The following ASH2L variants were observed in gnomAD, a reference collection of about 807,000 sequenced individuals.
ASH2L encodes set1/Ash2 histone methyltransferase complex subunit ASH2.
In ASH2L, 30 loss-of-function variants were observed where a neutral mutation model predicts 81.1. The observed-to-expected ratio is 0.37, with a 90% CI of 0.28 to 0.50. ASH2L has a LOEUF of 0.50. Among genes scored for constraint, ASH2L ranks in the 20% least tolerant of loss-of-function variants. ASH2L has a pLI of 0.95. For missense variants in ASH2L, 559 were observed against 792.1 expected (o/e 0.71, Z 3.53); for synonymous variants, 273 against 279.9 (o/e 0.98, Z 0.24).
chr8:38,130,449 T>G (rs1802013038), intron 12 of ASH2L, among the ~76,000 whole-genome samples: 1 of 151,848 alleles, frequency 6.6e-6, no homozygotes, highest in Non-Finnish European at 1.5e-5. Context: ...TGAAGTCTGA[T>G]TTATCAAATT....
At chr8:38,117,034 A>G (rs1214718741) in intron 8 of ASH2L, among the ~76,000 whole-genome samples, 1 of 152,206 alleles carries the variant, frequency 6.6e-6, no homozygotes, top group Non-Finnish European at 1.5e-5. Context: ...AGAAAGATTC[A>G]TCTCCTCTCC....
At chr8:38,131,356 A>T (rs760494871) in intron 12 of ASH2L, among the ~76,000 whole-genome samples, 66 of 142,350 alleles carry the variant, frequency 4.6e-4, no homozygotes, top group Non-Finnish European at 7.1e-4. Flanking sequence ...TCCTTTAATT[A>T]AAAAAAAAAA....
chr8:38,121,004 C>G lies in ASH2L; in HGVS notation c.1020C>G (p.Gly340=), dbSNP rs1490652785. 6.2e-7 allele frequency: 1 copy of G among 1,613,772 alleles called. No individual in the cohort carries two copies. Among genetic ancestry groups the G allele is most frequent in the Non-Finnish European group, 8.5e-7 (1 of 1,179,976 alleles). ...YPLEHPFNKD[G]YRYILAEPDP... Reference sequence around the variant, plus strand: ...TGGAACACCCGTTTAACAAAGATGGCTATCGGTATATTCTAGCTGAGCCTG... The same window carrying G: ...TGGAACACCCGTTTAACAAAGATGGGTATCGGTATATTCTAGCTGAGCCTG... The change falls in exon 10 of 16, where the codon GGC becomes GGG. Residue 340 remains glycine (G), a synonymous_variant. Transcript: ENST00000343823.
chr8:38,136,715 C>A (rs1197835773), intron 14 of ASH2L, among the ~76,000 whole-genome samples: 1 of 149,596 alleles, frequency 6.7e-6, no homozygotes, highest in African/African-American at 2.5e-5. Flanking sequence ...GCGGAGGTTG[C>A]AATGAGCTGA....
At chr8:38,127,395 G>C (rs754993652) in intron 10 of ASH2L, among the ~76,000 whole-genome samples, 42 of 151,696 alleles carry the variant, frequency 2.8e-4, no homozygotes, top group Non-Finnish European at 2.8e-4. Flanking sequence ...CATCACCATT[G>C]GTTTGTTATA....
At chr8:38,135,975 G>A (rs188964762) in intron 14 of ASH2L, among the ~76,000 whole-genome samples, 121 of 152,144 alleles carry the variant, frequency 8.0e-4, no homozygotes, top group African/African-American at 2.6e-3. Flanking sequence ...GTTTGTGTGC[G>A]CCATACTTTT....
intron 10 of ASH2L, among the ~76,000 whole-genome samples, chr8:38,125,029 T>C (rs1325573368): frequency 1.3e-5 from 2 of 152,092 alleles, no homozygotes; most frequent in African/African-American, 4.8e-5. Flanking sequence ...CAGAAACTAA[T>C]AGAGTGAAAA....
Position 38,105,670 on chromosome 8 carries a change from C to G in ASH2L, c.120C>G (p.Ala40=), listed in dbSNP as rs1282182502. Residue 40 remains alanine (A), a synonymous_variant, in exon 1 of 16, where the codon GCC becomes GCG. Transcript: ENST00000343823. The part of the protein sequence containing the change: ...GEMKPVAAGA[A]APPGEGISAA... ...TGAAGCCGGTGGCAGCGGGAGCAGC[C>G]GCTCCTCCTGGAGAGGGGATCTCTG... 1.3e-6 allele frequency: 2 copies of G among 1,590,188 alleles called. No individual in the cohort carries two copies. The highest frequency in any genetic ancestry group is 4.5e-5 in the East Asian group (2 of 44,014).
chr8:38,135,830 C>T, intron 14 of ASH2L, 64 bp downstream of exon 14: 1 of 1,296,056 alleles, frequency 7.7e-7, no homozygotes, highest in Non-Finnish European at 1.1e-6. Context: ...GTTGTGATGA[C>T]AAAGTTACTG....
At chr8:38,109,080 A>T (rs1810575742) in intron 3 of ASH2L, among the ~76,000 whole-genome samples, 1 of 152,160 alleles carries the variant, frequency 6.6e-6, no homozygotes, top group African/African-American at 2.4e-5. Context: ...ACCCTGTCTC[A>T]AAAAAGAAAA....
intron 13 of ASH2L, among the ~76,000 whole-genome samples, chr8:38,134,494 A>G (rs1256272729): frequency 6.6e-6 from 1 of 152,168 alleles, no homozygotes; most frequent in Admixed American, 6.5e-5. Context: ...CGTCTCACTC[A>G]GTGTCCTTCA....
In ASH2L at chr8:38,128,326, G is replaced by T; in HGVS notation, c.1201G>T (p.Val401Leu). 1.9e-6 allele frequency: 3 copies of T among 1,614,166 alleles called. No individual in the cohort carries two copies. In the South Asian group the frequency reaches 3.3e-5, roughly 18 times the overall value. Residue 401 changes from valine to leucine, a missense_variant, in exon 11 of 16, where the codon GTG becomes TTG. Coordinates refer to ENST00000343823, the MANE Select transcript of ASH2L (RefSeq NM_004674.5). ...AAAGATCTCAGATGACCGGCTGACTGTGGTTGGAGAGAAGGGCTACTCTAT... is the reference window on the plus strand; with the variant it reads ...AAAGATCTCAGATGACCGGCTGACTTTGGTTGGAGAGAAGGGCTACTCTAT... ...QLKISDDRLT[V>L]VGEKGYSMVR...
chr8:38,117,514 T>A (rs1286408591), intron 8 of ASH2L: 1 of 983,098 alleles, frequency 1.0e-6, no homozygotes, highest in Non-Finnish European at 1.2e-6. Context: ...GACTTAAGTA[T>A]TTTGTGGTTT....
intron 14 of ASH2L, among the ~76,000 whole-genome samples, chr8:38,136,965 C>T (rs546458170): frequency 4.6e-5 from 7 of 151,348 alleles, no homozygotes; most frequent in African/African-American, 7.3e-5. Context: ...GATGGCCACG[C>T]GCCTATAATC....
At chr8:38,130,343 C>T (rs1414225158) in intron 12 of ASH2L, among the ~76,000 whole-genome samples, 1 of 145,598 alleles carries the variant, frequency 6.9e-6, no homozygotes, top group Non-Finnish European at 1.5e-5. Flanking sequence ...TGGGCTCAAG[C>T]AGTTCACCTG....
intron 8 of ASH2L, 200 bp from the exon 9 acceptor site, chr8:38,119,070 C>A: frequency 4.0e-6 from 2 of 496,070 alleles, no homozygotes; most frequent in Non-Finnish European, 7.2e-6. Context: ...GAGTTTATTG[C>A]CAGAACCCAG....
intron 12 of ASH2L, among the ~76,000 whole-genome samples, chr8:38,130,850 G>T (rs955734762): frequency 9.9e-5 from 15 of 152,166 alleles, no homozygotes; most frequent in African/African-American, 3.6e-4. Context: ...AAAGTGCTGG[G>T]ATTACAGGCA....
chr8:38,128,253 A>G (rs752299872), intron 10 of ASH2L, 38 bp from the exon 11 acceptor site: 4 of 1,610,882 alleles, frequency 2.5e-6, no homozygotes, highest in South Asian at 1.1e-5. Flanking sequence ...AGAACCTCAA[A>G]TAAGTTGCAG....
rs939839447 is a variant in ASH2L at position 38,139,714 on chromosome 8, T to G, written c.*643T>G. 6.6e-6 allele frequency: 1 copy of G among 152,208 alleles called. No homozygotes were observed. The highest frequency in any genetic ancestry group is 2.4e-5 in the African/African-American group (1 of 41,460). The allele number at this position is 152,208 out of a possible 1,614,324, so 9.4% of individuals were successfully genotyped here. On this transcript the variant is annotated 3_prime_UTR_variant, in exon 16 of 16. Transcript: ENST00000343823. ...TTGTTTTGAAGTTTATGTGACACTT[T>G]GCTTCCCTTCAGATTGGGTGCCTCT...
Sources: gnomAD v4.1 joint callset for allele counts (sites outside exome capture counted in the v4.1 genomes callset) on GRCh38, gnomAD v4.1.1 for gene constraint, MANE v1.5 for transcripts, NCBI Gene and HGNC (gene_info 2026-07-23, HGNC 2026-07-21) for gene names.